The following ATP5MG variants were observed in gnomAD, a reference collection of about 807,000 sequenced individuals.
ATP5MG encodes the protein ATP synthase F(0) complex subunit g, mitochondrial.
In ATP5MG, 7 loss-of-function variants were observed where a neutral mutation model predicts 12.7. The observed-to-expected ratio is 0.55, with a 90% CI of 0.31 to 1.04. The LOEUF is 1.04. Among genes scored for constraint, ATP5MG ranks in the 50% least tolerant of loss-of-function variants. ATP5MG has a pLI of 0.05. For synonymous variants in ATP5MG, 53 were observed against 48.2 expected (o/e 1.10, Z -0.41); for missense variants, 116 against 126.7 (o/e 0.92, Z 0.41).
At chr11:118,407,872 A>G (rs1374269678) in intron 2 of ATP5MG, among the ~76,000 whole-genome samples, 1 of 151,462 alleles carries the variant, frequency 6.6e-6, no homozygotes, top group Admixed American at 6.6e-5. Flanking sequence ...TCTTAAAAAA[A>G]GGAAAAAAGG....
In ATP5MG at chr11:118,409,727, G is replaced by T. The variant is rs1949001135; in HGVS notation, c.*629G>T. ...TTTTATGTGTGTTATTCGTTTGTCT[G>T]GTTTTACTACCTTTGCAAAAACAAA... On this transcript the variant is annotated 3_prime_UTR_variant, in exon 3 of 3. Coordinates refer to ENST00000300688, the MANE Select transcript of ATP5MG (RefSeq NM_006476.5). 1 of 152,050 alleles carries T rather than the reference G, an allele frequency of 6.6e-6. No individual in the cohort carries two copies. Among genetic ancestry groups the T allele is most frequent in the Non-Finnish European group, 1.5e-5 (1 of 68,008 alleles). The allele number at this position is 152,050 out of a possible 1,614,324, so 9.4% of individuals were successfully genotyped here.
chr11:118,401,784 G>A (rs1948929290), intron 1 of ATP5MG, 67 bp downstream of exon 1: 10 of 1,567,328 alleles, frequency 6.4e-6, no homozygotes, highest in Non-Finnish European at 7.8e-6. Context: ...TGGCCTGAGA[G>A]GAAGAAGCGG....
At chr11:118,402,784 C>G (rs1948940205) in intron 1 of ATP5MG, among the ~76,000 whole-genome samples, 1 of 151,224 alleles carries the variant, frequency 6.6e-6, no homozygotes, top group Non-Finnish European at 1.5e-5. Context: ...ACTGCAGCCT[C>G]CACCTCCTAG....
At position 118,401,654 on chromosome 11, in the gene ATP5MG, C is replaced by T. The variant is rs781807485; in HGVS notation, c.-12C>T. 6.2e-7 allele frequency: 1 copy of T among 1,614,018 alleles called. No homozygotes were observed. The highest frequency in any genetic ancestry group is 1.3e-5 in the African/African-American group (1 of 74,932). On this transcript the variant is annotated 5_prime_UTR_variant, in exon 1 of 3. Transcript: ENST00000300688. ...CGGCGGTTCGGGGCGACGGACTCTC[C>T]ATTCCAGAACCATGGCCCAATTTGT...
intron 1 of ATP5MG, chr11:118,403,860 T>G (rs1948951469): frequency 6.6e-6 from 1 of 152,086 alleles, no homozygotes; most frequent in African/African-American, 2.4e-5. Context: ...TGTGGGTGAT[T>G]TAAGGCACAA....
intron 1 of ATP5MG, among the ~76,000 whole-genome samples, chr11:118,405,397 A>G (rs540209103): frequency 2.6e-4 from 40 of 152,278 alleles, no homozygotes; most frequent in African/African-American, 9.6e-4. Context: ...TTTACCTGTA[A>G]CATCACTCAA....
chr11:118,402,701 T>TTC (rs1948939205), intron 1 of ATP5MG, among the ~76,000 whole-genome samples: 1 of 149,814 alleles, frequency 6.7e-6, no homozygotes, highest in Non-Finnish European at 1.5e-5. Context: ...TCTTTCTTTT[T>TTC]TTTTTTTTTT....
intron 2 of ATP5MG, chr11:118,407,301 GTTTC>G: frequency 1.3e-6 from 1 of 793,074 alleles, no homozygotes; most frequent in Non-Finnish European, 1.9e-6. Context: ...TTATGTCTTA[GTTTC>G]CTAAGAGTCT....
intron 2 of ATP5MG, chr11:118,407,333 T>A: frequency 1.8e-6 from 1 of 553,474 alleles, no homozygotes; most frequent in Non-Finnish European, 2.9e-6. Context: ...AGCAAAAAAG[T>A]GACCATTTTT....
chr11:118,405,696 G>A (rs1206339634), intron 1 of ATP5MG: 4 of 984,832 alleles, frequency 4.1e-6, no homozygotes, highest in Admixed American at 6.2e-5. Flanking sequence ...TTAGAGCTTT[G>A]TGTCTGCTTA....
rs1215877576 is a variant in ATP5MG at position 118,401,649 on chromosome 11, C to G, written c.-17C>G. 11 of 1,614,130 alleles carry G rather than the reference C, an allele frequency of 6.8e-6. No individual in the cohort carries two copies. Among genetic ancestry groups the G allele is most frequent in the Non-Finnish European group, 9.3e-6 (11 of 1,180,006 alleles). On this transcript the variant is annotated 5_prime_UTR_variant, in exon 1 of 3. Coordinates refer to ENST00000300688, the MANE Select transcript of ATP5MG (RefSeq NM_006476.5). Reference sequence around the variant, plus strand: ...TCAGCCGGCGGTTCGGGGCGACGGACTCTCCATTCCAGAACCATGGCCCAA... The same window carrying G: ...TCAGCCGGCGGTTCGGGGCGACGGAGTCTCCATTCCAGAACCATGGCCCAA...
intron 1 of ATP5MG, among the ~76,000 whole-genome samples, chr11:118,404,348 G>A (rs1555131741): frequency 2.0e-5 from 3 of 152,010 alleles, no homozygotes; most frequent in South Asian, 2.1e-4. Flanking sequence ...TTTCAGTTCC[G>A]GGATCCAATC....
At chr11:118,407,201 A>G (rs1948980361) in intron 2 of ATP5MG, 104 bp downstream of exon 2, 3 of 1,486,850 alleles carry the variant, frequency 2.0e-6, no homozygotes, top group Non-Finnish European at 1.8e-6. Flanking sequence ...ATGAGGCTGA[A>G]TCCAGCATAA....
chr11:118,403,695 A>G (rs1400189431), intron 1 of ATP5MG, among the ~76,000 whole-genome samples: 2 of 149,666 alleles, frequency 1.3e-5, no homozygotes, highest in African/African-American at 4.9e-5. Context: ...CGGGAAGCTG[A>G]GGCAGGAAAA....
At chr11:118,405,420 A>G (rs1948964130) in intron 1 of ATP5MG, among the ~76,000 whole-genome samples, 1 of 152,184 alleles carries the variant, frequency 6.6e-6, no homozygotes, top group African/African-American at 2.4e-5. Flanking sequence ...TCCACTGAGA[A>G]ATCTAGCTCC....
At chr11:118,406,771 G>A in intron 1 of ATP5MG, 166 bp from the exon 2 acceptor site, 2 of 1,010,678 alleles carry the variant, frequency 2.0e-6, no homozygotes, top group South Asian at 1.7e-5. Context: ...AAAGCCTCTT[G>A]TTACCAGGGA....
intron 2 of ATP5MG, 34 bp from the exon 3 acceptor site, chr11:118,408,964 TAA>T: frequency 1.2e-6 from 1 of 842,194 alleles, no homozygotes; most frequent in Non-Finnish European, 1.8e-6. Context: ...TATATATATA[TAA>T]AAGGTACCTT....
rs1948995443 is a variant in ATP5MG, at chr11:118,409,021, G to A, written c.235G>A (p.Val79Met). The A allele has an allele frequency of 6.2e-7, 1 of 1,601,520 alleles. No individual in the cohort carries two copies. The highest frequency in any genetic ancestry group is 8.5e-7 in the Non-Finnish European group (1 of 1,173,938). ...TVKEAVLNGLVATEVLMWFYV... is the reference protein window; with the variant it reads ...TVKEAVLNGLMATEVLMWFYV... ...TCAGGAAGCTGTGCTGAATGGTTTG[G>A]TGGCCACTGAGGTGTTGATGTGGTT... Residue 79 changes from valine (V) to methionine (M), a missense_variant, in exon 3 of 3, where the codon GTG (valine) becomes ATG (methionine). Physicochemically the swap from Val to Met is conservative, Grantham distance 21. Transcript: ENST00000300688.
intron 1 of ATP5MG, chr11:118,405,773 G>A: frequency 1.1e-6 from 1 of 939,876 alleles, no homozygotes; most frequent in Non-Finnish European, 1.3e-6. Context: ...CTCAAATGGA[G>A]GCCGTTAATA....
Sources: gnomAD v4.1 joint callset for allele counts (sites outside exome capture counted in the v4.1 genomes callset) on GRCh38, gnomAD v4.1.1 for gene constraint, MANE v1.5 for transcripts, NCBI Gene and HGNC (gene_info 2026-07-23, HGNC 2026-07-21) for gene names.